Variants in KIFAP3 observed in about 807,000 individuals in gnomAD.
KIFAP3 encodes kinesin associated protein 3.
KIFAP3 carries 68 observed loss-of-function variants against 106.5 expected under a neutral mutation model. The observed-to-expected ratio is 0.64, with a 90% CI of 0.53 to 0.78. The LOEUF is 0.78. Among genes scored for constraint, KIFAP3 ranks in the 30% least tolerant of loss-of-function variants. The pLI is 0.00. For synonymous variants in KIFAP3, 320 were observed against 311.5 expected (o/e 1.03, Z -0.29); for missense variants, 780 against 941.8 (o/e 0.83, Z 2.25).
intron 10 of KIFAP3, among the ~76,000 whole-genome samples, chr1:169,995,285 G>A (rs140403803): frequency 7.1e-4 from 108 of 152,130 alleles, no homozygotes; most frequent in African/African-American, 2.4e-3. Flanking sequence ...CAAGAAGGTA[G>A]GAATCCCTTA....
At chr1:170,039,212 T>C (rs1395705171) in intron 4 of KIFAP3, 21 bp downstream of exon 4, 11 of 1,484,060 alleles carry the variant, frequency 7.4e-6, no homozygotes, top group Non-Finnish European at 1.0e-5. Flanking sequence ...CTCTATTAGA[T>C]CAGAATGCAT....
intron 2 of KIFAP3, among the ~76,000 whole-genome samples, chr1:170,047,897 TAGTGTC>T (rs1670344699): frequency 6.6e-6 from 1 of 152,152 alleles, no homozygotes; most frequent in African/African-American, 2.4e-5. Flanking sequence ...AGAGTCAACC[TAGTGTC>T]AAAAGACTGT....
At chr1:170,054,707 G>A (rs10919291) in intron 2 of KIFAP3, among the ~76,000 whole-genome samples, 24,926 of 151,840 alleles carry the variant, frequency 0.16, 2,209 homozygotes, top group Middle Eastern at 0.22. Flanking sequence ...ACTAACACAG[G>A]AACAGAAAAC....
At chr1:169,954,392 G>C (rs1664897924) in intron 18 of KIFAP3, among the ~76,000 whole-genome samples, 1 of 151,996 alleles carries the variant, frequency 6.6e-6, no homozygotes, top group South Asian at 2.1e-4. Flanking sequence ...GCAGGCTTAT[G>C]GTCTCGTATG....
At chr1:170,002,641 A>G (rs1445589155) in intron 10 of KIFAP3, among the ~76,000 whole-genome samples, 2 of 152,206 alleles carry the variant, frequency 1.3e-5, no homozygotes, top group Non-Finnish European at 2.9e-5. Context: ...AGTAGCTTTC[A>G]GTGCCATACG....
chr1:169,989,142 TAC>T (rs1380177371), intron 11 of KIFAP3, among the ~76,000 whole-genome samples: 4 of 152,028 alleles, frequency 2.6e-5, no homozygotes, highest in Non-Finnish European at 5.9e-5. Context: ...ATTTTCTGTA[TAC>T]ACAGTTTTAA....
chr1:170,055,167 A>C, intron 2 of KIFAP3, 138 bp downstream of exon 2: 2 of 733,462 alleles, frequency 2.7e-6, no homozygotes, highest in East Asian at 6.3e-5. Context: ...GTTTAATATA[A>C]TCTCTCCTTC....
At chr1:170,002,324 A>T (rs1463184411) in intron 10 of KIFAP3, among the ~76,000 whole-genome samples, 1 of 152,182 alleles carries the variant, frequency 6.6e-6, no homozygotes, top group Non-Finnish European at 1.5e-5. Context: ...CAGAATAGAG[A>T]AACATTTATA....
At chr1:170,026,618 C>A (rs1233094145) in intron 8 of KIFAP3, among the ~76,000 whole-genome samples, 2 of 152,136 alleles carry the variant, frequency 1.3e-5, no homozygotes, top group African/African-American at 4.8e-5. Context: ...AAGAGCTGAG[C>A]AGAGAGAAAC....
At chr1:169,984,107 A>G (rs1666665905) in intron 12 of KIFAP3, among the ~76,000 whole-genome samples, 1 of 151,780 alleles carries the variant, frequency 6.6e-6, no homozygotes, top group Admixed American at 6.6e-5. Context: ...GGATGGTAGG[A>G]AATAAAGATT....
At chr1:170,058,334 G>C (rs1478522993) in intron 1 of KIFAP3, among the ~76,000 whole-genome samples, 1 of 152,054 alleles carries the variant, frequency 6.6e-6, no homozygotes, top group African/African-American at 2.4e-5. Flanking sequence ...GTAGATTTAC[G>C]CCATAGAGCA....
chr1:169,948,552 C>CT (rs1230018727), intron 19 of KIFAP3, among the ~76,000 whole-genome samples: 1 of 151,916 alleles, frequency 6.6e-6, no homozygotes, highest in Non-Finnish European at 1.5e-5. Context: ...GTGTCAATGT[C>CT]TATCAAAGAA....
At chr1:170,063,594 C>A (rs973417718) in intron 1 of KIFAP3, among the ~76,000 whole-genome samples, 2 of 152,198 alleles carry the variant, frequency 1.3e-5, no homozygotes, top group African/African-American at 4.8e-5. Flanking sequence ...TCTTACTCTA[C>A]TGCAATACCG....
intron 15 of KIFAP3, among the ~76,000 whole-genome samples, chr1:169,980,217 T>C (rs777816607): frequency 2.1e-4 from 32 of 151,978 alleles, no homozygotes; most frequent in South Asian, 4.1e-4. Context: ...TGAAAATACA[T>C]TGAGCTATAC....
chr1:169,980,408 T>A (rs1666458950), intron 15 of KIFAP3, among the ~76,000 whole-genome samples: 1 of 152,132 alleles, frequency 6.6e-6, no homozygotes. Flanking sequence ...CTAGAGAACT[T>A]GGCCCTAATA....
chr1:169,943,459 C>A (rs1468889539), intron 19 of KIFAP3, among the ~76,000 whole-genome samples: 1 of 151,996 alleles, frequency 6.6e-6, no homozygotes, highest in African/African-American at 2.4e-5. Context: ...AGCTCAATAT[C>A]ATTACACTCA....
At chr1:170,073,238 T>C (rs904626833) in intron 1 of KIFAP3, among the ~76,000 whole-genome samples, 1 of 152,244 alleles carries the variant, frequency 6.6e-6, no homozygotes, top group Non-Finnish European at 1.5e-5. Flanking sequence ...AACACTGATG[T>C]AGGCTTATAT....
intron 19 of KIFAP3, among the ~76,000 whole-genome samples, chr1:169,938,040 C>T (rs555497138): frequency 6.6e-6 from 1 of 151,948 alleles, no homozygotes; most frequent in African/African-American, 2.4e-5. Context: ...TTATGGTGAA[C>T]CTATAATGTT....
At chr1:169,938,122 G>T (rs1244621665) in intron 19 of KIFAP3, among the ~76,000 whole-genome samples, 3 of 151,902 alleles carry the variant, frequency 2.0e-5, no homozygotes, top group Non-Finnish European at 4.4e-5. Context: ...GACATTATAA[G>T]AGTTGCTTTT....
Sources: gnomAD v4.1 joint callset for allele counts (sites outside exome capture counted in the v4.1 genomes callset) on GRCh38, gnomAD v4.1.1 for gene constraint, MANE v1.5 for transcripts, NCBI Gene and HGNC (gene_info 2026-07-23, HGNC 2026-07-21) for gene names.